NCK2: variants seen among roughly 807,000 people sequenced by gnomAD.
NCK2 encodes the protein NCK adaptor protein 2, also known as cytoplasmic protein NCK2.
NCK2 carries 16 observed loss-of-function variants against 33.9 expected under a neutral mutation model. The observed-to-expected ratio is 0.47, with a 90% CI of 0.32 to 0.72. The LOEUF (loss-of-function observed/expected upper bound fraction) is 0.72. Among genes scored for constraint, NCK2 ranks in the 30% least tolerant of loss-of-function variants. The pLI is 0.03. For missense variants in NCK2, 418 were observed against 537.3 expected (o/e 0.78, Z 2.19); for synonymous variants, 273 against 239.9 (o/e 1.14, Z -1.27).
intron 1 of NCK2, among the ~76,000 whole-genome samples, chr2:105,774,156 G>A (rs755335093): frequency 5.9e-5 from 9 of 151,842 alleles, no homozygotes; most frequent in African/African-American, 1.5e-4. Context: ...CTACAGGCAC[G>A]TGCCACCACA....
chr2:105,844,422 T>C (rs980927989), intron 2 of NCK2, among the ~76,000 whole-genome samples: 3 of 152,018 alleles, frequency 2.0e-5, no homozygotes, highest in African/African-American at 4.8e-5. Context: ...GAACCTATTT[T>C]AGTCTAAAAA....
At chr2:105,744,610 C>T (rs936042432), upstream of NCK2, among the ~76,000 whole-genome samples, 1 of 152,092 alleles carries the variant, frequency 6.6e-6, no homozygotes, top group African/African-American at 2.4e-5. Flanking sequence ...GGGACCCTTT[C>T]CTGCCCCCGG....
At chr2:105,744,884 C>CGCCGCCGCCGCCGCT (rs1331662931), upstream of NCK2, 9 of 160,808 alleles carry the variant, frequency 5.6e-5, no homozygotes, top group South Asian at 1.7e-4. Flanking sequence ...CCGCCGCCGC[C>CGCCGCCGCCGCCGCT]GCCGCCGCCG....
intron 3 of NCK2, among the ~76,000 whole-genome samples, chr2:105,874,342 C>T (rs1678153033): frequency 6.6e-6 from 1 of 152,182 alleles, no homozygotes. Flanking sequence ...TGGAAATGTA[C>T]TTTGGTCACT....
intron 4 of NCK2, among the ~76,000 whole-genome samples, chr2:105,890,446 C>T (rs2104688193): frequency 1.3e-5 from 2 of 152,308 alleles, no homozygotes; most frequent in East Asian, 3.9e-4. Flanking sequence ...TGAGACTGCC[C>T]TTCATCTTTT....
chr2:105,847,750 A>G (rs1447304028), intron 2 of NCK2, among the ~76,000 whole-genome samples: 1 of 152,236 alleles, frequency 6.6e-6, no homozygotes, highest in Non-Finnish European at 1.5e-5. Flanking sequence ...TAAAATGAAC[A>G]ACAAATAGTT....
At chr2:105,752,490 C>G (rs1414965227) in intron 1 of NCK2, among the ~76,000 whole-genome samples, 1 of 152,138 alleles carries the variant, frequency 6.6e-6, no homozygotes. Flanking sequence ...TTTTGTATAT[C>G]AGTATTCAAC....
chr2:105,833,068 C>T (rs1176984350), intron 2 of NCK2, among the ~76,000 whole-genome samples: 1 of 149,514 alleles, frequency 6.7e-6, no homozygotes, highest in Non-Finnish European at 1.5e-5. Flanking sequence ...GTCTCCCCTC[C>T]CCTCCCCTCT....
chr2:105,755,005 T>C (rs1431189702), intron 1 of NCK2, among the ~76,000 whole-genome samples: 1 of 152,044 alleles, frequency 6.6e-6, no homozygotes, highest in African/African-American at 2.4e-5. Context: ...CCTCACCCCG[T>C]CTCTCCCGCC....
At chr2:105,810,640 A>G (rs568560073) in intron 1 of NCK2, among the ~76,000 whole-genome samples, 1 of 152,232 alleles carries the variant, frequency 6.6e-6, no homozygotes, top group African/African-American at 2.4e-5. Flanking sequence ...ATGTATAGCA[A>G]GGTTTTTATG....
intron 3 of NCK2, among the ~76,000 whole-genome samples, chr2:105,870,522 G>A (rs890862208): frequency 2.0e-5 from 3 of 152,156 alleles, no homozygotes; most frequent in Admixed American, 6.5e-5. Flanking sequence ...GTGGGAGGCC[G>A]AGGTGGGCAG....
chr2:105,802,067 G>C (rs148634889), intron 1 of NCK2, among the ~76,000 whole-genome samples: 26 of 152,300 alleles, frequency 1.7e-4, no homozygotes, highest in African/African-American at 5.8e-4. Flanking sequence ...GATTTGTACA[G>C]CAGCTTGGAT....
chr2:105,773,355 G>A (rs971416923), intron 1 of NCK2, among the ~76,000 whole-genome samples: 2 of 151,888 alleles, frequency 1.3e-5, no homozygotes, highest in African/African-American at 2.4e-5. Context: ...CTGTCTTCTC[G>A]CCGTCTGGTA....
chr2:105,830,869 ATCATTTTTAAAACCAGATTATTTGG>A (rs1353607426), intron 2 of NCK2, among the ~76,000 whole-genome samples: 10 of 152,084 alleles, frequency 6.6e-5, no homozygotes, highest in Admixed American at 4.6e-4. Context: ...AGATCCTTTG[ATCATTTTTAAAACCAGATTATTTGG>A]TCATTTTTAA....
intron 1 of NCK2, among the ~76,000 whole-genome samples, chr2:105,786,522 C>T (rs539799047): frequency 4.6e-5 from 7 of 152,306 alleles, no homozygotes; most frequent in Admixed American, 1.3e-4. Flanking sequence ...GATGCTGAGT[C>T]GGTTCCTTTA....
intron 2 of NCK2, among the ~76,000 whole-genome samples, chr2:105,835,092 T>C (rs1304246427): frequency 6.6e-6 from 1 of 152,056 alleles, no homozygotes; most frequent in Non-Finnish European, 1.5e-5. Context: ...TTTTTCTTTG[T>C]GGTTTGCTGG....
At chr2:105,807,362 C>A (rs1675087981) in intron 1 of NCK2, among the ~76,000 whole-genome samples, 1 of 152,240 alleles carries the variant, frequency 6.6e-6, no homozygotes, top group African/African-American at 2.4e-5. Context: ...TTGATTAATT[C>A]TGGGCTATGG....
chr2:105,845,977 G>A (rs926481656), intron 2 of NCK2, among the ~76,000 whole-genome samples: 3 of 152,158 alleles, frequency 2.0e-5, no homozygotes, highest in African/African-American at 7.2e-5. Flanking sequence ...GCAGAAGGCA[G>A]TGTTGATTCC....
intron 2 of NCK2, among the ~76,000 whole-genome samples, chr2:105,852,807 C>G (rs1293485874): frequency 6.6e-6 from 1 of 152,082 alleles, no homozygotes; most frequent in African/African-American, 2.4e-5. Flanking sequence ...TTAGTGAGTT[C>G]TACATGGTAT....
Sources: gnomAD v4.1 joint callset for allele counts (sites outside exome capture counted in the v4.1 genomes callset) on GRCh38, gnomAD v4.1.1 for gene constraint, MANE v1.5 for transcripts, NCBI Gene and HGNC (gene_info 2026-07-23, HGNC 2026-07-21) for gene names.